Variants in NEK6 observed in about 807,000 individuals in gnomAD.
NEK6 encodes the protein NIMA related kinase 6, also known as serine/threonine-protein kinase Nek6.
In NEK6, 27 loss-of-function variants were observed where a neutral mutation model predicts 43.5. That is an observed-to-expected ratio of 0.62 (90% CI 0.46 to 0.86). The LOEUF (loss-of-function observed/expected upper bound fraction) is 0.86, where lower values mean the gene tolerates loss of function less well. NEK6 is among the 40% of genes least tolerant of loss of function. The pLI is 0.00. For synonymous variants in NEK6, 167 were observed against 164.1 expected (o/e 1.02, Z -0.14); for missense variants, 318 against 414.4 (o/e 0.77, Z 2.02).
chr9:124,276,197 C>T (rs545514419), intron 1 of NEK6, among the ~76,000 whole-genome samples: 31 of 152,180 alleles, frequency 2.0e-4, no homozygotes, highest in African/African-American at 7.0e-4. Flanking sequence ...CCTGGAGACC[C>T]CTGGATCAGG....
rs138670648 is a variant in NEK6, at chr9:124,276,953, A to T, written c.-30+18868A>T. On this transcript the variant is annotated intron_variant, in intron 1 of 9. Coordinates refer to ENST00000320246, the MANE Select transcript of NEK6 (RefSeq NM_014397.6). ...GTCTTAGGTGCTAAGCTCAGGAGGG[A>T]TGGCAACCCAGAAACCTTGAAGGTG... Among the ~76,000 whole-genome samples the T allele has an allele frequency of 3.2e-3, 493 of 152,168 alleles. 4 individuals are homozygous for T. Among genetic ancestry groups the T allele is most frequent in the African/African-American group, 0.011 (463 of 41,516 alleles).
rs893845326 is a variant in NEK6, at chr9:124,275,645, C to G, written c.-30+17560C>G. On this transcript the variant is annotated intron_variant, in intron 1 of 9. Transcript: ENST00000320246. The surrounding 1 kb of genome is among the most constrained non-coding windows in gnomAD (Gnocchi z 4.4). The stretch of plus-strand genomic sequence containing the variant: ...CTGCATCTTCCCCAACATGGCCCCC[C>G]ACCCTGTGAGGCCCACTAATGGCCA... Among the ~76,000 whole-genome samples, 7 of 152,248 alleles carry G rather than the reference C, an allele frequency of 4.6e-5. No individual in the cohort carries two copies. Among genetic ancestry groups the G allele is most frequent in the Non-Finnish European group, 7.3e-5 (5 of 68,038 alleles).
chr9:124,267,394 G>A (rs997974960), intron 1 of NEK6, among the ~76,000 whole-genome samples: 3 of 152,172 alleles, frequency 2.0e-5, no homozygotes, highest in Non-Finnish European at 2.9e-5. Flanking sequence ...ACAGGACCTC[G>A]AGTGGGCACG....
intron 5 of NEK6, among the ~76,000 whole-genome samples, chr9:124,323,800 A>T (rs1834192248): frequency 6.6e-6 from 1 of 152,078 alleles, no homozygotes. Flanking sequence ...GGGGCATTCT[A>T]TCCAGCATCC....
chr9:124,259,996 G>A (rs1830967897), intron 1 of NEK6, among the ~76,000 whole-genome samples: 1 of 150,702 alleles, frequency 6.6e-6, no homozygotes, highest in Admixed American at 6.6e-5. Context: ...CGGAGCAGAA[G>A]GGGCTGTGTG....
Position 124,278,858 on chromosome 9 carries a change from G to A in NEK6, c.-30+20773G>A, listed in dbSNP as rs534151458. 6.3e-4 allele frequency among the ~76,000 whole-genome samples: 96 copies of A among 152,274 alleles called. 1 individual carries two copies. Among genetic ancestry groups the A allele is most frequent in the African/African-American group, 2.1e-3 (89 of 41,542 alleles). ...AGAATTCCCGTCACCTAGAGCACCC[G>A]TCCCAGCCCCTGCCGCAGTGCTGGG... On this transcript the variant is annotated intron_variant, in intron 1 of 9. Coordinates refer to ENST00000320246, the MANE Select transcript of NEK6 (RefSeq NM_014397.6).
chr9:124,271,520 C>T (rs1381755524), intron 1 of NEK6, among the ~76,000 whole-genome samples: 1 of 152,258 alleles, frequency 6.6e-6, no homozygotes, highest in Non-Finnish European at 1.5e-5. Context: ...CTTCGTTAAT[C>T]CTCGTGACAA....
intron 8 of NEK6, among the ~76,000 whole-genome samples, chr9:124,344,464 C>T (rs1829812512): frequency 6.6e-6 from 1 of 152,202 alleles, no homozygotes; most frequent in African/African-American, 2.4e-5. Flanking sequence ...CGGGTGGGGC[C>T]CCAGCGGAGT....
At chr9:124,290,140 G>A (rs1377464046) in intron 1 of NEK6, among the ~76,000 whole-genome samples, 5 of 152,236 alleles carry the variant, frequency 3.3e-5, no homozygotes, top group Non-Finnish European at 7.3e-5. Context: ...GCCGCCACCT[G>A]GATGCACTGA....
At chr9:124,282,048 C>T (rs563620671) in intron 1 of NEK6, among the ~76,000 whole-genome samples, 3 of 152,304 alleles carry the variant, frequency 2.0e-5, no homozygotes, top group Admixed American at 6.5e-5. Flanking sequence ...CCCTGGTGTG[C>T]GGTGGGGCGT....
rs1349075255 is a variant in NEK6, at chr9:124,326,206, C to CG, written c.406-124_406-123insG. 1.1e-5 allele frequency: 2 copies of CG among 177,240 alleles called. No individual in the cohort carries two copies. Among genetic ancestry groups the CG allele is most frequent in the Non-Finnish European group, 2.8e-5 (2 of 71,514 alleles). 11.0% of individuals were successfully genotyped at this position (177,240 alleles called of 1,614,324 possible). A position where few individuals can be genotyped will look rare whatever the true frequency, so the allele number is the denominator to read the frequency against. On this transcript the variant is annotated intron_variant, in intron 5 of 9. Transcript: ENST00000320246. This position sits in a 1 kb window ranked among gnomAD's most constrained non-coding sequence, Gnocchi z 4.5. ...ATTGTTTGCTCAGTGGCTCAATCCCCCCCCCCCGCCCCTGCCAGGCACCAG... is the reference window on the plus strand; with the variant it reads ...ATTGTTTGCTCAGTGGCTCAATCCCCGCCCCCCCGCCCCTGCCAGGCACCAG...
chr9:124,321,079 C>G (rs972898813), intron 4 of NEK6, among the ~76,000 whole-genome samples: 2 of 152,198 alleles, frequency 1.3e-5, no homozygotes, highest in Non-Finnish European at 2.9e-5. Flanking sequence ...GGCCCAATGC[C>G]GCCCTCAGGG....
rs965302388 is a variant in NEK6 at position 124,306,505 on chromosome 9, G to C, written c.90+4451G>C. 2.0e-5 allele frequency among the ~76,000 whole-genome samples: 3 copies of C among 152,160 alleles called. 1 individual carries two copies. The South Asian group carries it at 6.2e-4, about 32-fold the overall frequency. The stretch of plus-strand genomic sequence containing the variant: ...TGGTGGTGTTTGTACCAACAGCCCA[G>C]TGCCTGGGACTCATCTCACTTAGTA... On this transcript the variant is annotated intron_variant, in intron 2 of 9. Coordinates refer to ENST00000320246, the MANE Select transcript of NEK6 (RefSeq NM_014397.6).
intron 4 of NEK6, among the ~76,000 whole-genome samples, chr9:124,319,104 C>T (rs1207682046): frequency 2.0e-5 from 3 of 152,188 alleles, no homozygotes; most frequent in Non-Finnish European, 4.4e-5. Flanking sequence ...CCTGCCCCAA[C>T]CTCTCGAGTA....
intron 1 of NEK6, among the ~76,000 whole-genome samples, chr9:124,260,398 A>G (rs1273945198): frequency 6.6e-6 from 1 of 151,938 alleles, no homozygotes; most frequent in Non-Finnish European, 1.5e-5. Context: ...TTATTTATTT[A>G]TTTATTTATT....
chr9:124,332,119 GC>G (rs1179450176), intron 7 of NEK6, among the ~76,000 whole-genome samples: 1 of 152,258 alleles, frequency 6.6e-6, no homozygotes, highest in African/African-American at 2.4e-5. Context: ...TAAGGGGCCA[GC>G]AAGTGAGGAG....
intron 8 of NEK6, among the ~76,000 whole-genome samples, chr9:124,346,703 A>G (rs1829946322): frequency 6.6e-6 from 1 of 152,078 alleles, no homozygotes; most frequent in Non-Finnish European, 1.5e-5. Context: ...CCACCGCCTC[A>G]GGGCCACTGT....
At chr9:124,346,143 C>T (rs1182147680) in intron 8 of NEK6, among the ~76,000 whole-genome samples, 2 of 152,200 alleles carry the variant, frequency 1.3e-5, no homozygotes, top group African/African-American at 4.8e-5. Flanking sequence ...CTTGGCCTGG[C>T]CTGGGCTCCT....
chr9:124,310,683 C>T (rs1398883772), intron 2 of NEK6, among the ~76,000 whole-genome samples: 1 of 152,184 alleles, frequency 6.6e-6, no homozygotes, highest in Admixed American at 6.5e-5. Context: ...CTGCAACCTC[C>T]GCCTCCCAGG....
Sources: gnomAD v4.1 joint callset for allele counts (sites outside exome capture counted in the v4.1 genomes callset) on GRCh38, gnomAD v4.1.1 for gene constraint, Gnocchi (gnomAD v3.1) non-coding constraint, MANE v1.5 for transcripts, NCBI Gene and HGNC (gene_info 2026-07-23, HGNC 2026-07-21) for gene names.